Variants in EXOC4 observed in about 807,000 individuals in gnomAD.
EXOC4 encodes exocyst complex component 4.
Under a neutral mutation model 107.2 loss-of-function variants are expected in EXOC4, and 71 were observed. That is an observed-to-expected ratio of 0.66 (90% CI 0.55 to 0.81). The LOEUF (loss-of-function observed/expected upper bound fraction) is 0.81. Ranked by LOEUF, EXOC4 falls within the 30% of genes least tolerant of loss-of-function variation. The pLI is 0.00. For synonymous variants in EXOC4, 456 were observed against 441.2 expected (o/e 1.03, Z -0.42); for missense variants, 1,108 against 1,189.6 (o/e 0.93, Z 1.01).
At chr7:133,548,844 C>T (rs915057598) in intron 9 of EXOC4, among the ~76,000 whole-genome samples, 1 of 152,166 alleles carries the variant, frequency 6.6e-6, no homozygotes, top group African/African-American at 2.4e-5. Flanking sequence ...GTTTTACTTT[C>T]TTATCCTTTT....
intron 1 of EXOC4, among the ~76,000 whole-genome samples, chr7:133,254,735 A>G (rs181709892): frequency 4.4e-4 from 67 of 152,346 alleles, no homozygotes; most frequent in Middle Eastern, 6.8e-3. Context: ...ACATGTCAGT[A>G]AAAATGATGA....
chr7:133,330,918 T>G (rs889345188), intron 5 of EXOC4, among the ~76,000 whole-genome samples: 2 of 151,506 alleles, frequency 1.3e-5, no homozygotes, highest in African/African-American at 2.4e-5. Flanking sequence ...CAGCAATCTG[T>G]GGGTGACTTT....
intron 17 of EXOC4, among the ~76,000 whole-genome samples, chr7:134,039,047 T>A (rs1795455583): frequency 6.6e-6 from 1 of 152,226 alleles, no homozygotes; most frequent in Non-Finnish European, 1.5e-5. Context: ...AAAGGTCCAC[T>A]CACCTTTACT....
chr7:133,595,740 T>G (rs1207975693), intron 9 of EXOC4, among the ~76,000 whole-genome samples: 1 of 152,204 alleles, frequency 6.6e-6, no homozygotes. Context: ...AACTTCAGTC[T>G]TTCTCATTCT....
intron 13 of EXOC4, among the ~76,000 whole-genome samples, chr7:133,922,052 C>G (rs903152439): frequency 6.6e-6 from 1 of 152,082 alleles, no homozygotes; most frequent in African/African-American, 2.4e-5. Context: ...TTTTTTATTT[C>G]TAACATTTGC....
intron 7 of EXOC4, among the ~76,000 whole-genome samples, chr7:133,419,877 T>G (rs1193092205): frequency 6.6e-6 from 1 of 152,104 alleles, no homozygotes; most frequent in Non-Finnish European, 1.5e-5. Context: ...GTTCCTCTGC[T>G]TCAGGGTCTC....
intron 12 of EXOC4, among the ~76,000 whole-genome samples, chr7:133,900,134 G>A (rs1461969392): frequency 2.6e-5 from 4 of 152,106 alleles, no homozygotes; most frequent in Non-Finnish European, 4.4e-5. Context: ...TATTTACTGA[G>A]CATTTACCAA....
intron 5 of EXOC4, among the ~76,000 whole-genome samples, chr7:133,324,788 C>G (rs1795198512): frequency 6.6e-6 from 1 of 152,186 alleles, no homozygotes; most frequent in Non-Finnish European, 1.5e-5. Flanking sequence ...TCTTGTTGAT[C>G]TGTCTAATGT....
intron 15 of EXOC4, among the ~76,000 whole-genome samples, chr7:133,998,924 T>C (rs151298388): frequency 6.6e-6 from 1 of 152,144 alleles, no homozygotes; most frequent in East Asian, 1.9e-4. Flanking sequence ...TGTTGACAGA[T>C]TGTATTGGAC....
intron 9 of EXOC4, among the ~76,000 whole-genome samples, chr7:133,532,251 C>G (rs1008891868): frequency 2.0e-5 from 3 of 151,954 alleles, no homozygotes; most frequent in African/African-American, 7.2e-5. Flanking sequence ...TCTTCATTAC[C>G]TTGAACTTAA....
intron 10 of EXOC4, among the ~76,000 whole-genome samples, chr7:133,656,134 G>A (rs1288403270): frequency 1.3e-5 from 2 of 152,234 alleles, no homozygotes; most frequent in Non-Finnish European, 1.5e-5. Context: ...GTGCGTGACT[G>A]TAATAGGATA....
At chr7:133,968,008 G>T (rs1000020382) in intron 14 of EXOC4, among the ~76,000 whole-genome samples, 1 of 152,126 alleles carries the variant, frequency 6.6e-6, no homozygotes, top group African/African-American at 2.4e-5. Flanking sequence ...TGAAATCTGG[G>T]TGCTCCTGTA....
At chr7:133,801,970 A>T (rs963047834) in intron 10 of EXOC4, among the ~76,000 whole-genome samples, 1 of 152,244 alleles carries the variant, frequency 6.6e-6, no homozygotes, top group South Asian at 2.1e-4. Flanking sequence ...AGAAAGTTCT[A>T]AAACTACCAA....
intron 17 of EXOC4, among the ~76,000 whole-genome samples, chr7:134,035,338 C>T (rs1009649153): frequency 6.6e-6 from 1 of 152,038 alleles, no homozygotes; most frequent in African/African-American, 2.4e-5. Flanking sequence ...AGCCACTGCG[C>T]CTGGCCAAAA....
chr7:133,933,671 G>A (rs1028138841), intron 13 of EXOC4, among the ~76,000 whole-genome samples: 3 of 152,190 alleles, frequency 2.0e-5, no homozygotes, highest in Non-Finnish European at 2.9e-5. Flanking sequence ...TTCTGGCTGC[G>A]AGGTCTTCTG....
chr7:134,031,272 A>T (rs1045492399), intron 17 of EXOC4, among the ~76,000 whole-genome samples: 19 of 152,238 alleles, frequency 1.2e-4, no homozygotes, highest in Non-Finnish European at 2.5e-4. Context: ...ATGGTATGTG[A>T]ATTATATCTC....
chr7:133,344,102 C>G (rs1795730168), intron 5 of EXOC4, among the ~76,000 whole-genome samples: 1 of 152,164 alleles, frequency 6.6e-6, no homozygotes, highest in African/African-American at 2.4e-5. Context: ...CAGGCATGAG[C>G]CAGAGCACCT....
chr7:133,709,342 C>G (rs1462383635), intron 10 of EXOC4, among the ~76,000 whole-genome samples: 4 of 152,194 alleles, frequency 2.6e-5, no homozygotes, highest in South Asian at 2.1e-4. Context: ...CATGCACAGA[C>G]CAGTCAGCTA....
At chr7:133,913,858 G>A (rs1313490722) in intron 12 of EXOC4, among the ~76,000 whole-genome samples, 1 of 152,212 alleles carries the variant, frequency 6.6e-6, no homozygotes, top group Non-Finnish European at 1.5e-5. Flanking sequence ...CAGCAATGCA[G>A]AATTCTGTGG....
Sources: gnomAD v4.1 joint callset for allele counts (sites outside exome capture counted in the v4.1 genomes callset) on GRCh38, gnomAD v4.1.1 for gene constraint, MANE v1.5 for transcripts, NCBI Gene and HGNC (gene_info 2026-07-23, HGNC 2026-07-21) for gene names.